SOX5: variants seen among roughly 807,000 people sequenced by gnomAD.
The protein encoded by SOX5 is SRY-box transcription factor 5.
In SOX5, 9 loss-of-function variants were observed where a neutral mutation model predicts 92.0. The observed-to-expected ratio is 0.10, with a 90% CI of 0.06 to 0.17. SOX5 has a LOEUF of 0.17. SOX5 is among the 10% of genes least tolerant of loss of function. The pLI, the probability that SOX5 is intolerant of heterozygous loss-of-function variation, is 1.00. For synonymous variants in SOX5, 344 were observed against 336.3 expected (o/e 1.02, Z -0.25); for missense variants, 642 against 944.5 (o/e 0.68, Z 4.20).
At chr12:24,301,625 C>T (rs1192265866) in intron 2 of SOX5, among the ~76,000 whole-genome samples, 1 of 152,092 alleles carries the variant, frequency 6.6e-6, no homozygotes, top group Non-Finnish European at 1.5e-5. Flanking sequence ...AATTATTCAG[C>T]CCTTTATTGC....
intron 4 of SOX5, among the ~76,000 whole-genome samples, chr12:24,012,920 G>T (rs1017958202): frequency 6.6e-6 from 1 of 152,066 alleles, no homozygotes; most frequent in East Asian, 1.9e-4. Context: ...AGAAGCAATA[G>T]GAACTATTGA....
intron 3 of SOX5, among the ~76,000 whole-genome samples, chr12:24,224,344 T>TC (rs1961349470): frequency 6.6e-6 from 1 of 151,856 alleles, no homozygotes. Flanking sequence ...TTTTTTTCTT[T>TC]CTTTTTTTTT....
At chr12:23,781,369 T>G (rs1207911349) in intron 3 of SOX5, among the ~76,000 whole-genome samples, 2 of 151,996 alleles carry the variant, frequency 1.3e-5, no homozygotes, top group Non-Finnish European at 2.9e-5. Flanking sequence ...CAGATGACTG[T>G]TACTAATAGA....
chr12:23,534,826 C>T (rs1939935289), intron 14 of SOX5, among the ~76,000 whole-genome samples: 1 of 151,464 alleles, frequency 6.6e-6, no homozygotes, highest in Admixed American at 6.6e-5. Context: ...TCTCCTGCCT[C>T]AGCCCCCCAA....
intron 1 of SOX5, among the ~76,000 whole-genome samples, chr12:24,396,799 T>C (rs752742851): frequency 6.6e-6 from 1 of 152,248 alleles, no homozygotes; most frequent in South Asian, 2.1e-4. Context: ...AGCACCAAGA[T>C]GCTTACAACA....
At chr12:23,798,383 C>T (rs2095602490) in intron 3 of SOX5, among the ~76,000 whole-genome samples, 1 of 151,880 alleles carries the variant, frequency 6.6e-6, no homozygotes, top group African/African-American at 2.4e-5. Context: ...AAATTAAGGG[C>T]ACATACTCTT....
chr12:24,181,462 C>T (rs1352260429), intron 4 of SOX5, among the ~76,000 whole-genome samples: 1 of 152,108 alleles, frequency 6.6e-6, no homozygotes, highest in Non-Finnish European at 1.5e-5. Flanking sequence ...CAGAAATAGC[C>T]ATAGATTCTC....
intron 8 of SOX5, among the ~76,000 whole-genome samples, chr12:23,610,927 G>A (rs556501121): frequency 6.2e-4 from 94 of 152,204 alleles, no homozygotes; most frequent in Non-Finnish European, 1.1e-3. Context: ...TGGATATTCT[G>A]CAGTATTTTG....
chr12:23,641,165 A>T (rs1311312341), intron 7 of SOX5, among the ~76,000 whole-genome samples: 1 of 152,098 alleles, frequency 6.6e-6, no homozygotes, highest in Non-Finnish European at 1.5e-5. Context: ...GTGAGCATTG[A>T]TCAGAGGGCT....
chr12:23,958,053 T>C (rs1946478868), intron 4 of SOX5, among the ~76,000 whole-genome samples: 1 of 151,968 alleles, frequency 6.6e-6, no homozygotes, highest in African/African-American at 2.4e-5. Context: ...TTGCATAGAG[T>C]CAAAGTGTAG....
intron 1 of SOX5, among the ~76,000 whole-genome samples, chr12:24,418,410 G>A (rs1431405055): frequency 2.6e-5 from 4 of 152,168 alleles, no homozygotes; most frequent in Admixed American, 6.5e-5. Flanking sequence ...AATGAGGTTT[G>A]GATCCAGGAA....
intron 2 of SOX5, among the ~76,000 whole-genome samples, chr12:23,893,162 T>G (rs2097145198): frequency 6.6e-6 from 1 of 152,294 alleles, no homozygotes; most frequent in South Asian, 2.1e-4. Context: ...AATGGAATGG[T>G]TTTGGCCAGG....
At chr12:24,281,814 A>G (rs1945236851) in intron 2 of SOX5, among the ~76,000 whole-genome samples, 1 of 152,204 alleles carries the variant, frequency 6.6e-6, no homozygotes, top group Non-Finnish European at 1.5e-5. Flanking sequence ...TTTGATAATG[A>G]AAAGGCTAAA....
At chr12:24,473,961 T>C (rs1597086213) in intron 1 of SOX5, among the ~76,000 whole-genome samples, 1 of 152,226 alleles carries the variant, frequency 6.6e-6, no homozygotes, top group African/African-American at 2.4e-5. Context: ...TAATACATGA[T>C]AAAGATTCTG....
intron 3 of SOX5, among the ~76,000 whole-genome samples, chr12:23,770,239 G>A (rs1474128584): frequency 1.3e-5 from 2 of 151,576 alleles, no homozygotes; most frequent in Non-Finnish European, 2.9e-5. Context: ...CCCCCAAATT[G>A]TTTCTAATGA....
At chr12:24,445,798 A>T (rs1941380418) in intron 1 of SOX5, among the ~76,000 whole-genome samples, 1 of 152,242 alleles carries the variant, frequency 6.6e-6, no homozygotes, top group African/African-American at 2.4e-5. Flanking sequence ...GGAATGAGAC[A>T]TACAGGGAGG....
At chr12:23,763,164 T>C (rs1255011712) in intron 3 of SOX5, among the ~76,000 whole-genome samples, 1 of 152,202 alleles carries the variant, frequency 6.6e-6, no homozygotes, top group Non-Finnish European at 1.5e-5. Context: ...GCAAGTAATG[T>C]AACCTCTCTA....
chr12:23,860,952 TAAAAAAAAAAA>T (rs71059935), intron 2 of SOX5, among the ~76,000 whole-genome samples: 10 of 45,948 alleles, frequency 2.2e-4, no homozygotes, highest in Admixed American at 7.9e-4. Context: ...GTATATTTTG[TAAAAAAAAAAA>T]AAAAAAAAAA....
At position 24,303,831 on chromosome 12, in the gene SOX5, G is replaced by A. The variant is rs184969085; in HGVS notation, c.-173-26519C>T. 6.0e-4 allele frequency among the ~76,000 whole-genome samples: 92 copies of A among 152,232 alleles called. No homozygotes were observed. The South Asian group carries it at 0.013, about 22-fold the overall frequency. Reference sequence around the variant, plus strand: ...GTGAGGATCAAAGGGGAGAGAGAGGGGGAGGCACCTTAAAAGCTGCCAACC... The same window carrying A: ...GTGAGGATCAAAGGGGAGAGAGAGGAGGAGGCACCTTAAAAGCTGCCAACC... On this transcript the variant is annotated intron_variant, in intron 2 of 4. Coordinates refer to the SOX5 transcript ENST00000446891.
Sources: gnomAD v4.1 joint callset for allele counts (sites outside exome capture counted in the v4.1 genomes callset) on GRCh38, gnomAD v4.1.1 for gene constraint, MANE v1.5 for transcripts, NCBI Gene and HGNC (gene_info 2026-07-23, HGNC 2026-07-21) for gene names.